The following DRC8 variants were observed in gnomAD, a reference collection of about 807,000 sequenced individuals.
The protein encoded by DRC8 is dynein regulatory complex protein 8.
At chr1:245,027,238 C>T in the DRC8 span, among the ~76,000 whole-genome samples, 1 of 144,694 alleles carries the variant, frequency 6.9e-6, no homozygotes, top group African/African-American at 2.5e-5. Context: ...CCAAATTCTA[C>T]TTCCTGAAAT....
the DRC8 span, among the ~76,000 whole-genome samples, chr1:245,081,396 C>T: frequency 6.6e-6 from 1 of 152,056 alleles, no homozygotes; most frequent in African/African-American, 2.4e-5. Flanking sequence ...CTGCTGACCT[C>T]GTGATCCACC....
chr1:245,062,364 T>C, the DRC8 span, among the ~76,000 whole-genome samples: 1 of 152,240 alleles, frequency 6.6e-6, no homozygotes, highest in South Asian at 2.1e-4. Flanking sequence ...TTCTGCCTTT[T>C]GGAATATCAC....
the DRC8 span, among the ~76,000 whole-genome samples, chr1:245,061,368 G>A: frequency 3.3e-5 from 5 of 152,140 alleles, no homozygotes; most frequent in African/African-American, 7.2e-5. Context: ...GGGTGCTTAG[G>A]TCCTAAAGTT....
chr1:245,015,395 T>C, the DRC8 span, among the ~76,000 whole-genome samples: 1 of 152,324 alleles, frequency 6.6e-6, no homozygotes, highest in South Asian at 2.1e-4. Flanking sequence ...CAGCAAATCT[T>C]GTTGGCTCTG....
At chr1:245,114,461 T>C in the DRC8 span, among the ~76,000 whole-genome samples, 121 of 145,414 alleles carry the variant, frequency 8.3e-4, 1 homozygote, top group Middle Eastern at 0.01. Context: ...TGAGACTCCA[T>C]CTAAAAAAAA....
the DRC8 span, among the ~76,000 whole-genome samples, chr1:244,987,613 C>T: frequency 6.7e-6 from 1 of 149,904 alleles, no homozygotes; most frequent in African/African-American, 2.5e-5. Flanking sequence ...CTGACCCCCC[C>T]AGCCAAAGGC....
chr1:245,005,716 A>G, the DRC8 span, among the ~76,000 whole-genome samples: 6 of 152,348 alleles, frequency 3.9e-5, no homozygotes, highest in South Asian at 1.0e-3. Context: ...GGAAAGTGAG[A>G]CAAATAAGTA....
chr1:245,081,768 C>T, the DRC8 span, among the ~76,000 whole-genome samples: 2 of 152,180 alleles, frequency 1.3e-5, 1 homozygote, highest in Non-Finnish European at 2.9e-5. Context: ...CACGCCCGGC[C>T]GAGTGTTCTT....
chr1:245,082,299 C>G, the DRC8 span: 1 of 674,526 alleles, frequency 1.5e-6, no homozygotes, highest in African/African-American at 1.8e-5. Flanking sequence ...TCTAACCTTT[C>G]AAGCTACTTC....
the DRC8 span, among the ~76,000 whole-genome samples, chr1:245,077,695 G>A: frequency 6.6e-5 from 10 of 152,234 alleles, no homozygotes; most frequent in African/African-American, 1.9e-4. Context: ...AATTGGATCC[G>A]TATCTCACAC....
At chr1:245,053,452 C>T in the DRC8 span, among the ~76,000 whole-genome samples, 35 of 152,226 alleles carry the variant, frequency 2.3e-4, 1 homozygote, top group South Asian at 7.1e-3. Context: ...TTCCAGGGCC[C>T]CAGAGCTCAA....
the DRC8 span, among the ~76,000 whole-genome samples, chr1:244,997,636 T>G: frequency 1.3e-5 from 2 of 149,798 alleles, no homozygotes; most frequent in Non-Finnish European, 3.0e-5. Flanking sequence ...CTCTGCCTCC[T>G]GGGTTCAAGC....
the DRC8 span, among the ~76,000 whole-genome samples, chr1:244,974,856 C>A: frequency 6.6e-6 from 1 of 152,118 alleles, no homozygotes; most frequent in African/African-American, 2.4e-5. Context: ...CCACCATGCC[C>A]GACTAATTTT....
chr1:244,981,456 G>A, the DRC8 span, among the ~76,000 whole-genome samples: 1 of 152,134 alleles, frequency 6.6e-6, no homozygotes, highest in South Asian at 2.1e-4. Context: ...GCACTGGGCT[G>A]AATGTTTTAC....
the DRC8 span, among the ~76,000 whole-genome samples, chr1:244,977,049 C>T: frequency 1.3e-5 from 2 of 152,160 alleles, no homozygotes; most frequent in Non-Finnish European, 2.9e-5. Flanking sequence ...AAGACAAATA[C>T]TCTGTGATTC....
At chr1:245,102,135 A>T in the DRC8 span, among the ~76,000 whole-genome samples, 6 of 152,150 alleles carry the variant, frequency 3.9e-5, no homozygotes, top group African/African-American at 1.2e-4. Context: ...TTAAATGGAG[A>T]CCACAGAAAT....
chr1:244,970,181 G>A, the DRC8 span: 12 of 711,796 alleles, frequency 1.7e-5, no homozygotes, highest in Admixed American at 4.4e-5. Flanking sequence ...AAGGCCGGGG[G>A]CCGGGTGGCA....
the DRC8 span, among the ~76,000 whole-genome samples, chr1:245,073,209 C>A: frequency 6.6e-6 from 1 of 152,242 alleles, no homozygotes; most frequent in African/African-American, 2.4e-5. Flanking sequence ...GATCTTGGTT[C>A]ACTGTAACCT....
the DRC8 span, among the ~76,000 whole-genome samples, chr1:245,039,488 AAG>A: frequency 4.1e-5 from 6 of 147,768 alleles, no homozygotes; most frequent in South Asian, 2.1e-4. Context: ...AAAAAAAAAA[AAG>A]AGTTTGTGTA....
Sources: allele counts gnomAD v4.1 joint callset (sites outside exome capture counted in the v4.1 genomes callset), GRCh38; gene constraint gnomAD v4.1.1; transcripts MANE v1.5; gene names NCBI Gene and HGNC (gene_info 2026-07-23, HGNC 2026-07-21).